The following CHI3L2 variants were observed in gnomAD, a reference collection of about 807,000 sequenced individuals.
CHI3L2 encodes chitinase-3-like protein 2.
CHI3L2 carries 47 observed loss-of-function variants against 47.3 expected under a neutral mutation model. The ratio of observed to expected loss-of-function variants is 0.99; its 90% CI spans 0.79 to 1.27. The LOEUF (loss-of-function observed/expected upper bound fraction) is 1.27, where lower values mean the gene tolerates loss of function less well. Among genes scored for constraint, CHI3L2 ranks in the 50% most tolerant of loss-of-function variants. The pLI, the probability that CHI3L2 is intolerant of heterozygous loss-of-function variation, is 0.00. For missense variants in CHI3L2, 497 were observed against 462.1 expected (o/e 1.08, Z -0.69); for synonymous variants, 198 against 169.9 (o/e 1.17, Z -1.28).
At chr1:111,233,891 C>G (rs1659800487) in intron 4 of CHI3L2, among the ~76,000 whole-genome samples, 1 of 152,160 alleles carries the variant, frequency 6.6e-6, no homozygotes, top group African/African-American at 2.4e-5. Context: ...GGTGACCTTG[C>G]CCCCAACCCT....
chr1:111,236,015 G>A lies in CHI3L2; in HGVS notation c.606-9G>A, dbSNP rs761426747. On this transcript the variant is annotated splice_polypyrimidine_tract_variant and intron_variant, in intron 6 of 10. Transcript: ENST00000369748. ...CACAAAATCTCTCCCATTGCTTTTGGCACTTTAGAGATCTGGATTTCATCA... is the reference window on the plus strand; with the variant it reads ...CACAAAATCTCTCCCATTGCTTTTGACACTTTAGAGATCTGGATTTCATCA... 7.4e-6 allele frequency: 12 copies of A among 1,613,350 alleles called. No homozygotes were observed. The South Asian group carries it at 1.2e-4, about 16-fold the overall frequency.
chr1:111,243,125 C>G, intron 10 of CHI3L2, 92 bp from the exon 11 acceptor site: 1 of 455,560 alleles, frequency 2.2e-6, no homozygotes, highest in South Asian at 1.6e-5. Flanking sequence ...TGGGTAGCAG[C>G]CTTCCAACTC....
chr1:111,232,181 C>G (rs2101547090), intron 4 of CHI3L2, among the ~76,000 whole-genome samples: 1 of 152,302 alleles, frequency 6.6e-6, no homozygotes, highest in Middle Eastern at 3.4e-3. Flanking sequence ...GAAGAAAGAT[C>G]AGGCTACCTA....
chr1:111,232,920 T>C (rs1280924748), intron 4 of CHI3L2, among the ~76,000 whole-genome samples: 1 of 152,330 alleles, frequency 6.6e-6, no homozygotes, highest in East Asian at 1.9e-4. Flanking sequence ...GCCAGTTTCT[T>C]GCTATCTCTT....
chr1:111,236,263 C>T, intron 7 of CHI3L2, 110 bp downstream of exon 7: 2 of 1,238,486 alleles, frequency 1.6e-6, no homozygotes. Flanking sequence ...GCTATGAGCC[C>T]AAGAGGGAAT....
chr1:111,229,482 A>G (rs1659629251), intron 1 of CHI3L2, among the ~76,000 whole-genome samples: 1 of 151,364 alleles, frequency 6.6e-6, no homozygotes, highest in African/African-American at 2.4e-5. Flanking sequence ...GGAGATCGAG[A>G]CCATCCCGGC....
At position 111,238,826 on chromosome 1, in the gene CHI3L2, A is replaced by T; in HGVS notation, c.812A>T (p.His271Leu). The T allele has an allele frequency of 1.9e-6, 3 of 1,613,720 alleles. No homozygotes were observed. Among genetic ancestry groups the T allele is most frequent in the Non-Finnish European group, 2.5e-6 (3 of 1,179,832 alleles). Residue 271 changes from histidine (H) to leucine (L), a missense_variant, in exon 8 of 11, where the codon CAC (histidine) becomes CTC (leucine). By Grantham distance (99) the His-to-Leu change is moderately conservative. Coordinates refer to ENST00000369748, the MANE Select transcript of CHI3L2 (RefSeq NM_004000.3). ...KVVMGIPTYG[H>L]SFTLASAETT... Reference sequence around the variant, plus strand: ...GTCATGGGCATCCCCACATATGGGCACTCCTTCACACTGGCCTCTGCAGAA... The same window carrying T: ...GTCATGGGCATCCCCACATATGGGCTCTCCTTCACACTGGCCTCTGCAGAA...
In CHI3L2 at chr1:111,236,138, C is replaced by T. The variant is rs180927880; in HGVS notation, c.720C>T (p.Ser240=). 14 of 1,614,082 alleles carry T rather than the reference C, an allele frequency of 8.7e-6. No individual in the cohort carries two copies. Among genetic ancestry groups the T allele is most frequent in the Non-Finnish European group, 1.1e-5 (13 of 1,180,028 alleles). Reference sequence around the variant, plus strand: ...AGGGGTGGCAGGACAGAGGGCCAAGCTCCTACTACAATGTGGTGAGTAGGC... The same window carrying T: ...AGGGGTGGCAGGACAGAGGGCCAAGTTCCTACTACAATGTGGTGAGTAGGC... ...LSKGWQDRGP[S]SYYNVEYAVG... Residue 240 remains serine (S), a synonymous_variant, in exon 7 of 11, where the codon AGC becomes AGT. Transcript: ENST00000369748.
intron 9 of CHI3L2, 39 bp from the exon 10 acceptor site, chr1:111,242,188 C>A (rs1163929794): frequency 2.5e-6 from 4 of 1,613,526 alleles, no homozygotes; most frequent in Non-Finnish European, 3.4e-6. Context: ...TTAGGGGCCA[C>A]CCTTCGAATC....
chr1:111,239,516 C>A (rs1167471460), intron 8 of CHI3L2, among the ~76,000 whole-genome samples: 1 of 152,064 alleles, frequency 6.6e-6, no homozygotes, highest in African/African-American at 2.4e-5. Flanking sequence ...CCTCCTACAC[C>A]TGAGGGACAT....
chr1:111,227,816 A>G, intron 1 of CHI3L2, 47 bp downstream of exon 1: 1 of 1,544,548 alleles, frequency 6.5e-7, no homozygotes, highest in Non-Finnish European at 9.0e-7. Context: ...TGAGGAAGGA[A>G]GAGGTAACAG....
intron 1 of CHI3L2, 103 bp from the exon 2 acceptor site, chr1:111,229,749 C>T (rs1333064877): frequency 2.0e-6 from 3 of 1,471,322 alleles, no homozygotes; most frequent in Non-Finnish European, 9.1e-7. Context: ...TGAAGTGTGG[C>T]TCTATCTTGT....
intron 7 of CHI3L2, among the ~76,000 whole-genome samples, 187 bp downstream of exon 7, chr1:111,236,340 T>C (rs1262518252): frequency 6.6e-6 from 1 of 152,232 alleles, no homozygotes; most frequent in Non-Finnish European, 1.5e-5. Context: ...AAATGTCACC[T>C]AGAAAATATC....
At chr1:111,236,723 G>C (rs775532405) in intron 7 of CHI3L2, among the ~76,000 whole-genome samples, 2 of 152,128 alleles carry the variant, frequency 1.3e-5, no homozygotes, top group African/African-American at 4.8e-5. Flanking sequence ...GGTTCTCCTT[G>C]CCCATTGATT....
chr1:111,235,985 C>A (rs372597180), intron 6 of CHI3L2, 39 bp from the exon 7 acceptor site: 1 of 1,610,430 alleles, frequency 6.2e-7, no homozygotes, highest in Non-Finnish European at 8.5e-7. Flanking sequence ...TCTACCACTG[C>A]TCGTCACAAA....
At chr1:111,240,576 C>T (rs1660017333) in intron 8 of CHI3L2, among the ~76,000 whole-genome samples, 1 of 152,172 alleles carries the variant, frequency 6.6e-6, no homozygotes, top group African/African-American at 2.4e-5. Flanking sequence ...GACTCTAGGT[C>T]ATTATAACTT....
intron 4 of CHI3L2, among the ~76,000 whole-genome samples, chr1:111,232,392 A>C (rs1208912742): frequency 6.6e-6 from 1 of 152,212 alleles, no homozygotes; most frequent in Admixed American, 6.5e-5. Context: ...TCATTCAGTA[A>C]GTAATTGTTT....
chr1:111,229,353 C>G (rs1177612400), intron 1 of CHI3L2, among the ~76,000 whole-genome samples: 1 of 152,152 alleles, frequency 6.6e-6, no homozygotes, highest in African/African-American at 2.4e-5. Flanking sequence ...TGTAGAGACA[C>G]AAGGCACCCC....
At chr1:111,231,672 G>A (rs931883024) in intron 4 of CHI3L2, among the ~76,000 whole-genome samples, 17 of 152,202 alleles carry the variant, frequency 1.1e-4, no homozygotes, top group African/African-American at 4.1e-4. Flanking sequence ...CCCGGGGTGG[G>A]TTGGATGGGT....
Sources: allele counts gnomAD v4.1 joint callset (sites outside exome capture counted in the v4.1 genomes callset), GRCh38; gene constraint gnomAD v4.1.1; transcripts MANE v1.5; gene names NCBI Gene and HGNC (gene_info 2026-07-23, HGNC 2026-07-21).